GALNT16: variants seen among roughly 807,000 people sequenced by gnomAD.
The protein encoded by GALNT16 is UDP-GalNAc:polypeptide N-acetylgalactosaminyltransferase-like protein 1.
GALNT16 carries 40 observed loss-of-function variants against 76.1 expected under a neutral mutation model. That is an observed-to-expected ratio of 0.53 (90% CI 0.41 to 0.68). The LOEUF is 0.68. Among genes scored for constraint, GALNT16 ranks in the 30% least tolerant of loss-of-function variants. GALNT16 has a pLI of 0.00. For synonymous variants in GALNT16, 276 were observed against 285.2 expected (o/e 0.97, Z 0.32); for missense variants, 621 against 731.9 (o/e 0.85, Z 1.75).
intron 1 of GALNT16, among the ~76,000 whole-genome samples, chr14:69,264,860 C>T (rs2044323930): frequency 7.9e-6 from 1 of 126,246 alleles, no homozygotes; most frequent in African/African-American, 3.3e-5. Flanking sequence ...GTCACCCAGG[C>T]TGGAGTGCAG....
At chr14:69,367,758 G>T in the GALNT16 span, among the ~76,000 whole-genome samples, 6 of 152,038 alleles carry the variant, frequency 3.9e-5, no homozygotes, top group East Asian at 1.9e-4. Flanking sequence ...GGGGCAGGGT[G>T]GGGGGGAACT....
At chr14:69,336,748 GAC>G in intron 9 of GALNT16, among the ~76,000 whole-genome samples, 1 of 151,108 alleles carries the variant, frequency 6.6e-6, no homozygotes, top group Middle Eastern at 3.4e-3. Flanking sequence ...TATTTTTAGA[GAC>G]AGAGTCTCCC....
intron 1 of GALNT16, 79 bp downstream of exon 1, chr14:69,260,546 C>CGGGGCCCGGCCAGGGCTG: frequency 1.9e-6 from 2 of 1,054,150 alleles, no homozygotes; most frequent in Non-Finnish European, 2.4e-6. Context: ...GCCGAGGGCG[C>CGGGGCCCGGCCAGGGCTG]GGGGCCCGGC....
At chr14:69,366,008 C>T in the GALNT16 span, among the ~76,000 whole-genome samples, 13 of 152,184 alleles carry the variant, frequency 8.5e-5, no homozygotes, top group South Asian at 2.1e-4. Context: ...ACAAATAAAA[C>T]GGGACAACGG....
At chr14:69,322,799 G>A (rs978956057) in intron 2 of GALNT16, among the ~76,000 whole-genome samples, 13 of 152,176 alleles carry the variant, frequency 8.5e-5, no homozygotes, top group Non-Finnish European at 1.3e-4. Context: ...GCTAAGGCAG[G>A]AGAATCTCTT....
chr14:69,346,529 T>C (rs2045566519), intron 12 of GALNT16, among the ~76,000 whole-genome samples: 1 of 152,146 alleles, frequency 6.6e-6, no homozygotes, highest in South Asian at 2.1e-4. Context: ...TGTCATTAAA[T>C]TAAGTGTGTG....
rs1397261829 is a variant in GALNT16 at position 69,352,286 on chromosome 14, A to G, written c.*118A>G. 2 of 915,644 alleles carry G rather than the reference A, an allele frequency of 2.2e-6. No homozygotes were observed. The highest frequency in any genetic ancestry group is 3.2e-6 in the Non-Finnish European group (2 of 620,400). The allele number at this position is 915,644 out of a possible 1,614,324, so 56.7% of individuals were successfully genotyped here. Reference sequence around the variant, plus strand: ...TCCTCACATTTCTGCCAGGACCATCAGCAAATACCCACCATGACACACGTT... The same window carrying G: ...TCCTCACATTTCTGCCAGGACCATCGGCAAATACCCACCATGACACACGTT... On this transcript the variant is annotated 3_prime_UTR_variant, in exon 15 of 15. Coordinates refer to ENST00000448469, the MANE Select transcript of GALNT16 (RefSeq NM_001168368.2).
intron 12 of GALNT16, 58 bp downstream of exon 12, chr14:69,341,822 G>A: frequency 8.6e-7 from 1 of 1,167,706 alleles, no homozygotes; most frequent in Non-Finnish European, 1.3e-6. Flanking sequence ...GTTGGGGCCA[G>A]CGGCTTTGGT....
chr14:69,278,496 A>T (rs2044501511), intron 1 of GALNT16, among the ~76,000 whole-genome samples: 1 of 152,198 alleles, frequency 6.6e-6, no homozygotes, highest in African/African-American at 2.4e-5. Context: ...ACTGTTTGTA[A>T]CTTGTTCTTT....
chr14:69,375,229 G>C, the GALNT16 span, among the ~76,000 whole-genome samples: 4 of 152,146 alleles, frequency 2.6e-5, no homozygotes, highest in Non-Finnish European at 5.9e-5. Flanking sequence ...CTAATGCTTA[G>C]TGTTTGCATG....
intron 1 of GALNT16, among the ~76,000 whole-genome samples, chr14:69,293,313 A>G (rs1426196979): frequency 6.6e-6 from 1 of 152,254 alleles, no homozygotes; most frequent in Non-Finnish European, 1.5e-5. Context: ...TAAACCAGAT[A>G]GAAAAGGGAT....
intron 4 of GALNT16, 141 bp downstream of exon 4, chr14:69,325,545 G>C: frequency 1.5e-6 from 1 of 677,348 alleles, no homozygotes; most frequent in Non-Finnish European, 2.7e-6. Flanking sequence ...TCTTTTCTAG[G>C]ACCCCTCCCT....
At chr14:69,284,520 C>T (rs1251438940) in intron 1 of GALNT16, among the ~76,000 whole-genome samples, 2 of 152,192 alleles carry the variant, frequency 1.3e-5, no homozygotes, top group African/African-American at 2.4e-5. Flanking sequence ...AAACTTGCCA[C>T]CCACCCTGGA....
intron 1 of GALNT16, among the ~76,000 whole-genome samples, chr14:69,269,454 G>A (rs896039715): frequency 2.0e-5 from 3 of 151,526 alleles, no homozygotes; most frequent in Non-Finnish European, 4.4e-5. Context: ...TGTGTGATGT[G>A]TGGGGTTTGT....
chr14:69,371,192 G>A, the GALNT16 span, among the ~76,000 whole-genome samples: 4 of 152,052 alleles, frequency 2.6e-5, no homozygotes, highest in Non-Finnish European at 4.4e-5. Context: ...AAGATACAGG[G>A]GTAACTTCAC....
At chr14:69,365,645 G>C in the GALNT16 span, among the ~76,000 whole-genome samples, 1 of 152,172 alleles carries the variant, frequency 6.6e-6, no homozygotes, top group Admixed American at 6.5e-5. Context: ...ACAGGAGGGA[G>C]AGCATCAGGA....
intron 1 of GALNT16, among the ~76,000 whole-genome samples, chr14:69,312,072 T>G (rs12893167): frequency 6.8e-6 from 1 of 148,016 alleles, no homozygotes; most frequent in African/African-American, 2.5e-5. Context: ...TATCTATCTA[T>G]CTATCTATCT....
At chr14:69,303,049 T>C (rs2044876165) in intron 1 of GALNT16, among the ~76,000 whole-genome samples, 1 of 152,240 alleles carries the variant, frequency 6.6e-6, no homozygotes, top group Non-Finnish European at 1.5e-5. Context: ...TCTTTGTACC[T>C]ACATCTTCAT....
downstream of GALNT16, among the ~76,000 whole-genome samples, chr14:69,361,485 C>T (rs570356020): frequency 6.6e-6 from 1 of 152,262 alleles, no homozygotes; most frequent in African/African-American, 2.4e-5. Context: ...TGCCTTTCAC[C>T]CATCAGTCTG....
Sources: allele counts gnomAD v4.1 joint callset (sites outside exome capture counted in the v4.1 genomes callset), GRCh38; gene constraint gnomAD v4.1.1; transcripts MANE v1.5; gene names NCBI Gene and HGNC (gene_info 2026-07-23, HGNC 2026-07-21).